The following ITCH variants were observed in gnomAD, a reference collection of about 807,000 sequenced individuals.
ITCH encodes E3 ubiquitin-protein ligase Itchy homolog.
In ITCH, 28 loss-of-function variants were observed where a neutral mutation model predicts 126.8. That is an observed-to-expected ratio of 0.22 (90% CI 0.16 to 0.30). ITCH has a LOEUF of 0.30. ITCH is among the 10% of genes least tolerant of loss of function. The probability of loss-of-function intolerance (pLI) is 1.00; values close to 1 mark genes in which losing one functional copy is unlikely to be tolerated. For missense variants in ITCH, 631 were observed against 1,032.4 expected, an observed-to-expected ratio of 0.61 and a Z score of 5.33; for synonymous variants, 342 against 340.0, an observed-to-expected ratio of 1.01 and a Z score of -0.06.
intron 23 of ITCH, among the ~76,000 whole-genome samples, chr20:34,498,447 T>A (rs1305306403): frequency 2.6e-5 from 4 of 152,236 alleles, no homozygotes; most frequent in Admixed American, 1.3e-4. Flanking sequence ...CTCTGTTCAG[T>A]ATGATGTTGG....
chr20:34,416,403 GAAAGA>G (rs1313227397), intron 6 of ITCH, among the ~76,000 whole-genome samples: 2 of 152,034 alleles, frequency 1.3e-5, no homozygotes, highest in Non-Finnish European at 2.9e-5. Context: ...GGTCTCAAAA[GAAAGA>G]AAAGAAAACA....
chr20:34,376,478 A>C (rs1449037255), intron 2 of ITCH, among the ~76,000 whole-genome samples: 2 of 151,940 alleles, frequency 1.3e-5, no homozygotes, highest in Non-Finnish European at 2.9e-5. Context: ...ATAAATAAAT[A>C]AAACAGTTCA....
intron 3 of ITCH, among the ~76,000 whole-genome samples, chr20:34,408,152 T>C (rs890030390): frequency 6.6e-6 from 1 of 152,222 alleles, no homozygotes; most frequent in Non-Finnish European, 1.5e-5. Flanking sequence ...CATAGCTCAC[T>C]GAAGCCTTGA....
intron 4 of ITCH, among the ~76,000 whole-genome samples, chr20:34,411,244 C>T (rs924401833): frequency 2.0e-5 from 3 of 152,116 alleles, no homozygotes; most frequent in South Asian, 4.1e-4. Flanking sequence ...CTCCACCTCC[C>T]GGGTTCAAGC....
chr20:34,475,667 G>A (rs1196712082), intron 16 of ITCH, among the ~76,000 whole-genome samples: 2 of 151,620 alleles, frequency 1.3e-5, no homozygotes, highest in African/African-American at 2.4e-5. Context: ...GAGCGAGACC[G>A]TGGGGAGAGG....
chr20:34,367,553 G>A (rs2037465399), intron 1 of ITCH, among the ~76,000 whole-genome samples: 1 of 152,214 alleles, frequency 6.6e-6, no homozygotes, highest in South Asian at 2.1e-4. Context: ...GAAGCTGCCA[G>A]AAGCACTGTG....
intron 20 of ITCH, among the ~76,000 whole-genome samples, chr20:34,484,686 G>C (rs1012949839): frequency 1.3e-5 from 2 of 152,128 alleles, no homozygotes; most frequent in Non-Finnish European, 2.9e-5. Flanking sequence ...AGTTTGGGGG[G>C]TTTTTAGTAT....
rs386393666 is a variant in ITCH at position 34,499,272 on chromosome 20, CTTTTTTTTTTTTTTT to C, written c.2417-5039_2417-5025del. 1.1e-3 allele frequency among the ~76,000 whole-genome samples: 26 copies of C among 23,030 alleles called. No individual in the cohort carries two copies. The South Asian group carries it at 0.016, about 15-fold the overall frequency. 15.1% of individuals were successfully genotyped at this position (23,030 alleles called of 152,430 possible). A position where few individuals can be genotyped will look rare whatever the true frequency, so the allele number is the denominator to read the frequency against. On this transcript the variant is annotated intron_variant, in intron 23 of 24. Coordinates refer to ENST00000374864, the MANE Select transcript of ITCH (RefSeq NM_031483.7). The stretch of plus-strand genomic sequence containing the variant: ...TACAGGCGTGAGCCACTGTGCCCAG[CTTTTTTTTTTTTTTT>C]TTTTTTTTTTTTTTTTTTTGAGACA...
At chr20:34,433,990 T>C (rs553659298) in intron 7 of ITCH, among the ~76,000 whole-genome samples, 1 of 152,128 alleles carries the variant, frequency 6.6e-6, no homozygotes, top group African/African-American at 2.4e-5. Flanking sequence ...AAAATTAAAA[T>C]GGGGGCTAGG....
intron 3 of ITCH, among the ~76,000 whole-genome samples, chr20:34,406,534 T>G (rs900787467): frequency 1.5e-4 from 22 of 150,738 alleles, no homozygotes; most frequent in Admixed American, 5.3e-4. Flanking sequence ...AGCTGCTGCT[T>G]CTTTTTTTTT....
chr20:34,366,385 G>A (rs1308855959), intron 1 of ITCH, among the ~76,000 whole-genome samples: 2 of 151,992 alleles, frequency 1.3e-5, no homozygotes, highest in African/African-American at 4.8e-5. Flanking sequence ...TAGCATGCCT[G>A]GCTAATTTTT....
At chr20:34,488,639 G>A (rs569616154) in intron 20 of ITCH, among the ~76,000 whole-genome samples, 28 of 152,266 alleles carry the variant, frequency 1.8e-4, no homozygotes, top group African/African-American at 6.7e-4. Context: ...ACTGAACCTG[G>A]AAGGTGGAGG....
At chr20:34,387,396 G>A (rs1183611911) in intron 2 of ITCH, among the ~76,000 whole-genome samples, 2 of 152,096 alleles carry the variant, frequency 1.3e-5, no homozygotes, top group African/African-American at 4.8e-5. Context: ...GGAGGCCAAG[G>A]CAGGAGGACG....
At chr20:34,372,046 C>T (rs2037651677) in intron 2 of ITCH, among the ~76,000 whole-genome samples, 1 of 152,002 alleles carries the variant, frequency 6.6e-6, no homozygotes, top group African/African-American at 2.4e-5. Flanking sequence ...GTGGCTCATC[C>T]CTGTAATCCT....
rs1989350695 is a variant in ITCH, at chr20:34,489,270, G to A, written c.2098G>A (p.Val700Ile). The A allele has an allele frequency of 3.7e-6, 6 of 1,613,420 alleles. No individual in the cohort carries two copies. The highest frequency in any genetic ancestry group is 4.2e-6 in the Non-Finnish European group (5 of 1,179,582). ...TTTTTCATATTTGTTTGCCAGAATG[G>A]TAGCTGAGTGGAGGTTGTCTCGAGG... ...EENKEEYIRM[V>I]AEWRLSRGVE... The change falls in exon 21 of 25, where the codon GTA becomes ATA. Residue 700 changes from valine to isoleucine, a missense_variant. Coordinates refer to ENST00000374864, the MANE Select transcript of ITCH (RefSeq NM_031483.7).
At chr20:34,363,518 G>A (rs2037279281) in intron 1 of ITCH, among the ~76,000 whole-genome samples, 169 bp downstream of exon 1, 1 of 152,162 alleles carries the variant, frequency 6.6e-6, no homozygotes, top group African/African-American at 2.4e-5. Flanking sequence ...CGGGGAGCTC[G>A]GGCTACTGGC....
intron 13 of ITCH, among the ~76,000 whole-genome samples, chr20:34,458,232 T>A (rs1986202362): frequency 6.6e-6 from 1 of 152,154 alleles, no homozygotes; most frequent in African/African-American, 2.4e-5. Flanking sequence ...TTGCCATCAG[T>A]AGAAGTCAAA....
chr20:34,448,514 C>T (rs1273616324), intron 11 of ITCH, among the ~76,000 whole-genome samples: 1 of 151,898 alleles, frequency 6.6e-6, no homozygotes, highest in Non-Finnish European at 1.5e-5. Context: ...GATAAAGAAA[C>T]TTGGCAAAGT....
At chr20:34,400,084 A>G (rs1052419207) in intron 3 of ITCH, among the ~76,000 whole-genome samples, 1 of 152,044 alleles carries the variant, frequency 6.6e-6, no homozygotes, top group African/African-American at 2.4e-5. Flanking sequence ...GATTACAGAC[A>G]TGCGCCACCA....
Sources: gnomAD v4.1 joint callset for allele counts (sites outside exome capture counted in the v4.1 genomes callset) on GRCh38, gnomAD v4.1.1 for gene constraint, MANE v1.5 for transcripts, NCBI Gene and HGNC (gene_info 2026-07-23, HGNC 2026-07-21) for gene names.